The following NRXN1 variants were observed in gnomAD, a reference collection of about 807,000 sequenced individuals.
NRXN1 encodes the protein neurexin 1.
A neutral mutation model predicts 150.9 loss-of-function variants in NRXN1; 39 were observed. That is an observed-to-expected ratio of 0.26 (90% confidence interval 0.20 to 0.34). The LOEUF is 0.34. Ranked by LOEUF, NRXN1 falls within the 10% of genes least tolerant of loss-of-function variation. The pLI, the probability that NRXN1 is intolerant of heterozygous loss-of-function variation, is 1.00. For synonymous variants in NRXN1, 924 were observed against 757.0 expected (o/e 1.22, Z -3.62); for missense variants, 1,815 against 1,949.9 (o/e 0.93, Z 1.30).
intron 18 of NRXN1, among the ~76,000 whole-genome samples, chr2:50,219,963 T>TAATA (rs1491151631): frequency 1.6e-4 from 10 of 60,732 alleles, no homozygotes; most frequent in African/African-American, 1.2e-3. Context: ...AATATATATA[T>TAATA]TATATATATA....
At chr2:50,023,118 C>G (rs2152561471) in intron 21 of NRXN1, 1 of 152,248 alleles carries the variant, frequency 6.6e-6, no homozygotes, top group Non-Finnish European at 1.5e-5. Flanking sequence ...TGTACATATA[C>G]ATGTCTGACT....
At chr2:49,922,862 A>G (rs554681411) in intron 22 of NRXN1, among the ~76,000 whole-genome samples, 5 of 152,310 alleles carry the variant, frequency 3.3e-5, no homozygotes, top group African/African-American at 1.2e-4. Flanking sequence ...ATTTGTTTAC[A>G]TAAGTATGTG....
In NRXN1 at chr2:50,960,892, C is replaced by T. The variant is rs575739008; in HGVS notation, c.773-34937G>A. Among the ~76,000 whole-genome samples, 5 of 152,092 alleles carry T rather than the reference C, an allele frequency of 3.3e-5. No individual in the cohort carries two copies. The East Asian group carries it at 9.7e-4, about 29-fold the overall frequency. On this transcript the variant is annotated intron_variant, in intron 2 of 22. Transcript: ENST00000401669. ...TCTCTACTGAGTTCTCACAAATTAA[C>T]TTGTAACTTCATAGTCAAAATATGA... is the stretch of plus-strand genomic sequence containing the variant.
intron 18 of NRXN1, among the ~76,000 whole-genome samples, chr2:50,224,830 T>G (rs530765740): frequency 6.6e-6 from 1 of 151,908 alleles, no homozygotes; most frequent in South Asian, 2.1e-4. Context: ...TTGTTTTCAT[T>G]CTCCTAGTGG....
intron 8 of NRXN1, among the ~76,000 whole-genome samples, chr2:50,577,672 C>T (rs1422278109): frequency 6.6e-6 from 1 of 151,688 alleles, no homozygotes; most frequent in East Asian, 1.9e-4. Flanking sequence ...AAAATTCTGC[C>T]ATAATACATT....
chr2:51,028,268 C>A lies in NRXN1; in HGVS notation c.6G>T (p.Gly2=), dbSNP rs1015367549. The A allele has an allele frequency of 2.1e-6, 3 of 1,445,658 alleles. No homozygotes were observed. The highest frequency in any genetic ancestry group is 2.8e-5 in the African/African-American group (2 of 70,180). The allele number at this position is 1,445,658 out of a possible 1,614,324, so 89.6% of individuals were successfully genotyped here. ...AGCCCCCGCGCTGGAGCAGCGCCGT[C>A]CCCATGCTCGGGGCTGGGGTGCGGC... M[G]TALLQRGGCF... Residue 2 remains glycine (G), a synonymous_variant, in exon 2 of 23, where the codon GGG becomes GGT. Transcript: ENST00000401669.
At chr2:50,888,516 CCTT>C (rs971873658) in intron 5 of NRXN1, among the ~76,000 whole-genome samples, 1 of 151,456 alleles carries the variant, frequency 6.6e-6, no homozygotes, top group Non-Finnish European at 1.5e-5. Flanking sequence ...ATTTTTTCTT[CCTT>C]CTTTCCTTTC....
chr2:50,453,007 G>C (rs150614718), intron 17 of NRXN1, among the ~76,000 whole-genome samples: 3,470 of 152,134 alleles, frequency 0.023, 145 homozygotes, highest in African/African-American at 0.077. Context: ...ATGAAATTTT[G>C]TATTCTTTTC....
At chr2:50,466,635 T>C (rs953432305) in intron 16 of NRXN1, 76 of 362,098 alleles carry the variant, frequency 2.1e-4, no homozygotes, top group African/African-American at 1.5e-3. Context: ...AACAAATTAA[T>C]ACTAACAGCC....
chr2:49,984,235 G>C (rs749496846), intron 21 of NRXN1, among the ~76,000 whole-genome samples: 1 of 152,058 alleles, frequency 6.6e-6, no homozygotes. Context: ...AATGTAATTT[G>C]AAAGATAAGT....
At chr2:50,131,332 T>G (rs1225716395) in intron 18 of NRXN1, among the ~76,000 whole-genome samples, 1 of 152,234 alleles carries the variant, frequency 6.6e-6, no homozygotes, top group Non-Finnish European at 1.5e-5. Context: ...AAAACCTTAC[T>G]GTTTAAGTTT....
intron 21 of NRXN1, among the ~76,000 whole-genome samples, chr2:49,976,820 C>T (rs544076826): frequency 2.8e-4 from 43 of 152,218 alleles, no homozygotes; most frequent in African/African-American, 9.6e-4. Flanking sequence ...CTTCCAGGAA[C>T]GAATGTAAAA....
At chr2:50,781,108 G>T (rs1243554781) in intron 5 of NRXN1, among the ~76,000 whole-genome samples, 1 of 152,136 alleles carries the variant, frequency 6.6e-6, no homozygotes, top group Non-Finnish European at 1.5e-5. Context: ...GCAATTTTTT[G>T]TGCTGGTTCC....
chr2:50,021,510 C>T (rs1363037), intron 21 of NRXN1, among the ~76,000 whole-genome samples: 109,415 of 151,996 alleles, frequency 0.72, 39,586 homozygotes, highest in African/African-American at 0.77. Context: ...GAATATATCA[C>T]ATAGTTACTA....
Position 50,110,634 on chromosome 2 carries a change from A to T in NRXN1, c.3547-19140T>A, listed in dbSNP as rs114621915. Among the ~76,000 whole-genome samples the T allele has an allele frequency of 7.0e-3, 1,067 of 152,232 alleles. 3 individuals carry two copies. The highest frequency in any genetic ancestry group is 0.01 in the Non-Finnish European group (713 of 68,004). On this transcript the variant is annotated intron_variant, in intron 18 of 22. Transcript: ENST00000401669. Reference sequence around the variant, plus strand: ...GGGTGTGTGTGCGTATGTGCGTGCAAATTAATAAGTCCTAGACAATAAAAA... The same window carrying T: ...GGGTGTGTGTGCGTATGTGCGTGCATATTAATAAGTCCTAGACAATAAAAA...
At chr2:50,436,927 T>G (rs551820293) in intron 17 of NRXN1, among the ~76,000 whole-genome samples, 1 of 152,254 alleles carries the variant, frequency 6.6e-6, no homozygotes, top group East Asian at 1.9e-4. Flanking sequence ...GTAATTTGTC[T>G]CCTAATAATA....
chr2:50,389,122 T>C (rs938076904), intron 17 of NRXN1, among the ~76,000 whole-genome samples: 5 of 151,806 alleles, frequency 3.3e-5, no homozygotes, highest in Admixed American at 2.0e-4. Context: ...GAGCTGAGAC[T>C]GTACCACTGT....
intron 5 of NRXN1, among the ~76,000 whole-genome samples, chr2:50,906,632 C>T (rs895895210): frequency 6.6e-6 from 1 of 152,050 alleles, no homozygotes; most frequent in Non-Finnish European, 1.5e-5. Context: ...TTCCTTAAGT[C>T]TTTCCATCAT....
intron 18 of NRXN1, among the ~76,000 whole-genome samples, chr2:50,129,789 T>C (rs1705198669): frequency 6.6e-6 from 1 of 152,230 alleles, no homozygotes; most frequent in Admixed American, 6.5e-5. Flanking sequence ...CTTTGGCCAC[T>C]CCAAAAAACA....
Sources: allele counts gnomAD v4.1 joint callset (sites outside exome capture counted in the v4.1 genomes callset), GRCh38; gene constraint gnomAD v4.1.1; transcripts MANE v1.5; gene names NCBI Gene and HGNC (gene_info 2026-07-23, HGNC 2026-07-21).